FOXK1: variants seen among roughly 807,000 people sequenced by gnomAD.
FOXK1 encodes forkhead box K1.
FOXK1 carries 19 observed loss-of-function variants against 51.9 expected under a neutral mutation model. The observed-to-expected ratio is 0.37, with a 90% CI of 0.26 to 0.54. The LOEUF is 0.54. Among genes scored for constraint, FOXK1 ranks in the 20% least tolerant of loss-of-function variants. The pLI, the probability that FOXK1 is intolerant of heterozygous loss-of-function variation, is 0.87. For missense variants in FOXK1, 870 were observed against 1,032.7 expected, an observed-to-expected ratio of 0.84 and a Z score of 2.16; for synonymous variants, 537 against 482.6, an observed-to-expected ratio of 1.11 and a Z score of -1.48.
chr7:4,748,208 TC>T lies in FOXK1; in HGVS notation c.747-6247del, dbSNP rs1364234700. On this transcript the variant is annotated intron_variant, in intron 2 of 8. Transcript: ENST00000328914. This position sits in a 1 kb window ranked among gnomAD's most constrained non-coding sequence, Gnocchi z 4.9. ...AAGTGAAAATTCCCCCACACAACGC[TC>T]CCCAGAGCTGAGCCCTTCTCTCTCA... Among the ~76,000 whole-genome samples, 1 of 152,178 alleles carries T rather than the reference TC, an allele frequency of 6.6e-6. No individual in the cohort carries two copies. The highest frequency in any genetic ancestry group is 1.5e-5 in the Non-Finnish European group (1 of 68,034).
At chr7:4,726,479 G>A (rs762969472) in intron 1 of FOXK1, among the ~76,000 whole-genome samples, 105 of 152,268 alleles carry the variant, frequency 6.9e-4, no homozygotes, top group Non-Finnish European at 2.5e-4. Flanking sequence ...AAAGTTAGCC[G>A]GGCACAGTGG....
At chr7:4,742,342 C>T (rs1780644940) in intron 2 of FOXK1, among the ~76,000 whole-genome samples, 1 of 152,162 alleles carries the variant, frequency 6.6e-6, no homozygotes, top group African/African-American at 2.4e-5. Flanking sequence ...CTGATCTGCG[C>T]ACTCTGCTGA....
At chr7:4,699,566 C>T (rs1779995910) in intron 1 of FOXK1, among the ~76,000 whole-genome samples, 1 of 151,986 alleles carries the variant, frequency 6.6e-6, no homozygotes, top group Admixed American at 6.6e-5. Context: ...CAGGGTTTCA[C>T]CATGTTGGCC....
Position 4,748,340 on chromosome 7 carries a change from C to CA in FOXK1, c.747-6119_747-6118insA, listed in dbSNP as rs1780732475. ...TGGAAATTAAGGATTTAGCTTCCCC[C>CA]CTCCCCATCCCAGTAAAGTTACATC... On this transcript the variant is annotated intron_variant, in intron 2 of 8. Coordinates refer to ENST00000328914, the MANE Select transcript of FOXK1 (RefSeq NM_001037165.2). The surrounding 1 kb of genome is among the most constrained non-coding windows in gnomAD (Gnocchi z 4.9). Among the ~76,000 whole-genome samples, 1 of 152,160 alleles carries CA rather than the reference C, an allele frequency of 6.6e-6. No homozygotes were observed. Among genetic ancestry groups the CA allele is most frequent in the Non-Finnish European group, 1.5e-5 (1 of 68,042 alleles).
rs1781012355 is a variant in FOXK1 at position 4,766,472 on chromosome 7, G to A, written c.*4008G>A. 6.6e-6 allele frequency: 1 copy of A among 152,220 alleles called. No individual in the cohort carries two copies. Among genetic ancestry groups the A allele is most frequent in the Non-Finnish European group, 1.5e-5 (1 of 68,060 alleles). The allele number at this position is 152,220 out of a possible 1,614,324, so 9.4% of individuals were successfully genotyped here. A position where few individuals can be genotyped will look rare whatever the true frequency, so the allele number is the denominator to read the frequency against. Reference sequence around the variant, plus strand: ...CACTTTCCTTCCCGAGGTCTGGTAGGTCCTCTTTGGGATTTGCTGTTTATT... The same window carrying A: ...CACTTTCCTTCCCGAGGTCTGGTAGATCCTCTTTGGGATTTGCTGTTTATT... On this transcript the variant is annotated 3_prime_UTR_variant, in exon 9 of 9. Transcript: ENST00000328914. The surrounding 1 kb of genome is among the most constrained non-coding windows in gnomAD (Gnocchi z 5.5).
At chr7:4,704,025 C>A (rs949899938) in intron 1 of FOXK1, among the ~76,000 whole-genome samples, 2 of 152,328 alleles carry the variant, frequency 1.3e-5, no homozygotes, top group Admixed American at 6.5e-5. Context: ...GAATGAATTA[C>A]TCATGGTGAG....
At position 4,754,571 on chromosome 7, in the gene FOXK1, G is replaced by A. The variant is rs374173147; in HGVS notation, c.859G>A (p.Ala287Thr). Reference sequence around the variant, plus strand: ...GGCAGCAGAGTTTGCAGCAAAGGCCGCGTCGGAGCAGCAGGCAGACACGTC... The same window carrying A: ...GGCAGCAGAGTTTGCAGCAAAGGCCACGTCGGAGCAGCAGGCAGACACGTC... ...QLAAEFAAKA[A>T]SEQQADTSGG... Residue 287 changes from alanine (A) to threonine (T), a missense_variant, in exon 3 of 9, where the codon GCG becomes ACG. Physicochemically the swap from Ala to Thr is moderately conservative, Grantham distance 58. This residue lies in a region of FOXK1 where 399 missense variants were observed against 475.6 expected (regional missense o/e 0.84). Transcript: ENST00000328914. 79 of 1,608,846 alleles carry A rather than the reference G, an allele frequency of 4.9e-5. No homozygotes were observed. The highest frequency in any genetic ancestry group is 3.3e-4 in the Middle Eastern group (2 of 6,082).
Position 4,735,651 on chromosome 7 carries a change from G to A in FOXK1, c.561-5187G>A, listed in dbSNP as rs1780542880. Among the ~76,000 whole-genome samples the A allele has an allele frequency of 6.6e-6, 1 of 152,198 alleles. No homozygotes were observed. The highest frequency in any genetic ancestry group is 2.4e-5 in the African/African-American group (1 of 41,464). On this transcript the variant is annotated intron_variant, in intron 1 of 8. Transcript: ENST00000328914. The surrounding 1 kb of genome is among the most constrained non-coding windows in gnomAD (Gnocchi z 4.7). ...CCTTTCCGCCGGGCTGGTGGACGGA[G>A]ATTTCTACTCTGTGGACACACTTAA...
rs1237870043 is a variant in FOXK1, at chr7:4,705,511, TTCTCTTTCTCTCTCTCTC to T, written c.560+22649_560+22666del. Among the ~76,000 whole-genome samples, 144 of 108,420 alleles carry T rather than the reference TTCTCTTTCTCTCTCTCTC, an allele frequency of 1.3e-3. 1 individual carries two copies. Among genetic ancestry groups the T allele is most frequent in the Middle Eastern group, 4.5e-3 (1 of 224 alleles). 71.1% of individuals were successfully genotyped at this position (108,420 alleles called of 152,430 possible). On this transcript the variant is annotated intron_variant, in intron 1 of 8. Coordinates refer to ENST00000328914, the MANE Select transcript of FOXK1 (RefSeq NM_001037165.2). Reference sequence around the variant, plus strand: ...GTGAGAATTCTTCTGTGTCATTTCCTTCTCTTTCTCTCTCTCTCTCTCTCTCTCTCTCTCTCTCTCTCT... The same window carrying T: ...GTGAGAATTCTTCTGTGTCATTTCCTTCTCTCTCTCTCTCTCTCTCTCTCT...
intron 2 of FOXK1, 48 bp downstream of exon 2, chr7:4,741,071 T>G: frequency 1.5e-6 from 2 of 1,352,120 alleles, no homozygotes; most frequent in Non-Finnish European, 2.0e-6. Context: ...GAGAGGGGGA[T>G]GATGCGAGCG....
Position 4,733,751 on chromosome 7 carries a change from C to T in FOXK1, c.561-7087C>T, listed in dbSNP as rs138718102. ...AAAACCGGCCTGGCGTCTTCTGGCCCTTGCTCTTGGGTCTGCTGTTTCTCT... is the reference window on the plus strand; with the variant it reads ...AAAACCGGCCTGGCGTCTTCTGGCCTTTGCTCTTGGGTCTGCTGTTTCTCT... On this transcript the variant is annotated intron_variant, in intron 1 of 8. Coordinates refer to ENST00000328914, the MANE Select transcript of FOXK1 (RefSeq NM_001037165.2). This position sits in a 1 kb window ranked among gnomAD's most constrained non-coding sequence, Gnocchi z 5.0. 1.3e-5 allele frequency among the ~76,000 whole-genome samples: 2 copies of T among 152,240 alleles called. No individual in the cohort carries two copies. Among genetic ancestry groups the T allele is most frequent in the African/African-American group, 2.4e-5 (1 of 41,462 alleles).
rs1427764368 is a variant in FOXK1, at chr7:4,683,135, C to G, written c.560+267C>G. Among the ~76,000 whole-genome samples the G allele has an allele frequency of 6.6e-6, 1 of 151,748 alleles. No individual in the cohort carries two copies. The highest frequency in any genetic ancestry group is 1.5e-5 in the Non-Finnish European group (1 of 67,894). Reference sequence around the variant, plus strand: ...TCCCCGGTCTGGATACCCCGTCGCCCCCGACCCCCACCGGCCTGGACTCTG... The same window carrying G: ...TCCCCGGTCTGGATACCCCGTCGCCGCCGACCCCCACCGGCCTGGACTCTG... On this transcript the variant is annotated intron_variant, in intron 1 of 8. Transcript: ENST00000328914. The surrounding 1 kb of genome is among the most constrained non-coding windows in gnomAD (Gnocchi z 4.5).
intron 1 of FOXK1, among the ~76,000 whole-genome samples, chr7:4,712,189 C>T (rs1489679991): frequency 6.6e-6 from 1 of 152,016 alleles, no homozygotes; most frequent in Non-Finnish European, 1.5e-5. Flanking sequence ...ATGGTCGCCT[C>T]CCTGGGGTGA....
chr7:4,757,335 C>A, intron 5 of FOXK1, 148 bp downstream of exon 5: 3 of 724,952 alleles, frequency 4.1e-6, no homozygotes, highest in Non-Finnish European at 4.3e-6. Context: ...AAAAATATTC[C>A]AAAAAAAAGA....
chr7:4,737,839 A>G (rs934202600), intron 1 of FOXK1, among the ~76,000 whole-genome samples: 14 of 152,118 alleles, frequency 9.2e-5, no homozygotes, highest in African/African-American at 2.9e-4. Flanking sequence ...TGGGTGATGC[A>G]AGGCCGGGTG....
intron 1 of FOXK1, among the ~76,000 whole-genome samples, chr7:4,725,238 G>A (rs1780364525): frequency 1.3e-5 from 2 of 152,230 alleles, no homozygotes; most frequent in African/African-American, 4.8e-5. Context: ...GAGAATAGCA[G>A]TGCCCAGGCT....
intron 1 of FOXK1, among the ~76,000 whole-genome samples, chr7:4,688,502 C>T (rs1779849227): frequency 6.6e-6 from 1 of 151,606 alleles, no homozygotes; most frequent in East Asian, 1.9e-4. Context: ...TCAAGCGATT[C>T]CCCCTGCCTC....
rs978745371 is a variant in FOXK1 at position 4,737,419 on chromosome 7, C to A, written c.561-3419C>A. On this transcript the variant is annotated intron_variant, in intron 1 of 8. Coordinates refer to ENST00000328914, the MANE Select transcript of FOXK1 (RefSeq NM_001037165.2). ...GCCATCGTGTCCAGCACTGGTGGAA[C>A]GGGTAGGTGTGTGTGCATGCGTGTG... Among the ~76,000 whole-genome samples, 4 of 151,244 alleles carry A rather than the reference C, an allele frequency of 2.6e-5. No individual in the cohort carries two copies. The East Asian group carries it at 8.0e-4, about 30-fold the overall frequency.
intron 1 of FOXK1, among the ~76,000 whole-genome samples, chr7:4,698,301 TG>T (rs1409765641): frequency 6.8e-6 from 1 of 147,226 alleles, no homozygotes; most frequent in African/African-American, 2.6e-5. Flanking sequence ...ATTTTATATA[TG>T]TATGTGTGTG....
Sources: allele counts gnomAD v4.1 joint callset (sites outside exome capture counted in the v4.1 genomes callset), GRCh38; gene constraint gnomAD v4.1.1; regional missense constraint gnomAD v4.1.1; non-coding constraint Gnocchi (gnomAD v3.1); transcripts MANE v1.5; gene names NCBI Gene and HGNC (gene_info 2026-07-23, HGNC 2026-07-21).